GRIA1: variants seen among roughly 807,000 people sequenced by gnomAD.
GRIA1 encodes glutamate receptor 1.
GRIA1 carries 31 observed loss-of-function variants against 99.2 expected under a neutral mutation model. The ratio of observed to expected loss-of-function variants is 0.31; its 90% CI spans 0.23 to 0.42. The LOEUF is 0.42. Among genes scored for constraint, GRIA1 ranks in the 10% least tolerant of loss-of-function variants. The pLI is 1.00. For missense variants in GRIA1, 782 were observed against 1,157.5 expected (o/e 0.68, Z 4.71); for synonymous variants, 438 against 432.4 (o/e 1.01, Z -0.16).
At chr5:153,539,956 C>T (rs368876528) in intron 2 of GRIA1, among the ~76,000 whole-genome samples, 2 of 152,208 alleles carry the variant, frequency 1.3e-5, no homozygotes, top group African/African-American at 2.4e-5. Flanking sequence ...AGGTCACATT[C>T]GGAAGGCTCC....
Position 153,605,235 on chromosome 5 carries a change from A to G in GRIA1, c.221-41693A>G, listed in dbSNP as rs1246838513. Among the ~76,000 whole-genome samples the G allele has an allele frequency of 2.0e-5, 3 of 152,184 alleles. No individual in the cohort carries two copies. The East Asian group carries it at 5.8e-4, about 29-fold the overall frequency. ...TATTAACACTTAAAAAGGCACATCA[A>G]CATTTCAATAAGCATCCAGTATGTA... On this transcript the variant is annotated intron_variant, in intron 2 of 15. Coordinates refer to ENST00000285900, the MANE Select transcript of GRIA1 (RefSeq NM_000827.4).
intron 12 of GRIA1, 104 bp downstream of exon 12, chr5:153,764,736 A>C: frequency 1.2e-6 from 1 of 806,854 alleles, no homozygotes; most frequent in Non-Finnish European, 2.1e-6. Flanking sequence ...CAGCCAGAGC[A>C]AGTGCTTAAC....
chr5:153,501,399 A>T (rs1002034560), intron 2 of GRIA1, among the ~76,000 whole-genome samples: 1 of 152,154 alleles, frequency 6.6e-6, no homozygotes, highest in Admixed American at 6.5e-5. Flanking sequence ...AGGAGGATGA[A>T]TAGGTGCTTG....
At chr5:153,744,984 C>A (rs1306176219) in intron 11 of GRIA1, among the ~76,000 whole-genome samples, 5 of 152,138 alleles carry the variant, frequency 3.3e-5, no homozygotes. Context: ...ATCATTCAAT[C>A]CAGAGTCCAT....
At chr5:153,795,456 T>C (rs537181190) in intron 14 of GRIA1, 1 of 1,296,028 alleles carries the variant, frequency 7.7e-7, no homozygotes, top group Non-Finnish European at 1.1e-6. Flanking sequence ...TTATTTATGT[T>C]ATTTCCCCCC....
intron 7 of GRIA1, among the ~76,000 whole-genome samples, chr5:153,685,631 A>C (rs1757287436): frequency 6.6e-6 from 1 of 152,238 alleles, no homozygotes; most frequent in Admixed American, 6.5e-5. Context: ...AGAGAGCTAA[A>C]TTGCCTGAGG....
chr5:153,628,889 TCA>T (rs1767886851), intron 2 of GRIA1, among the ~76,000 whole-genome samples: 1 of 152,206 alleles, frequency 6.6e-6, no homozygotes, highest in South Asian at 2.1e-4. Context: ...AGTCAGCCTC[TCA>T]GTTAGAATTC....
chr5:153,521,154 T>G (rs1318906293), intron 2 of GRIA1, among the ~76,000 whole-genome samples: 1 of 152,212 alleles, frequency 6.6e-6, no homozygotes, highest in African/African-American at 2.4e-5. Context: ...GGCTGTTAGC[T>G]TGGCATGAAG....
chr5:153,629,264 C>T (rs1412610035), intron 2 of GRIA1, among the ~76,000 whole-genome samples: 1 of 152,164 alleles, frequency 6.6e-6, no homozygotes, highest in Admixed American at 6.5e-5. Flanking sequence ...ACATGCAGCT[C>T]GTGCTTCCAC....
At chr5:153,721,187 A>G (rs1393494859) in intron 11 of GRIA1, among the ~76,000 whole-genome samples, 1 of 152,198 alleles carries the variant, frequency 6.6e-6, no homozygotes, top group African/African-American at 2.4e-5. Context: ...CACACAGCAG[A>G]TTCATATTCA....
In GRIA1 at chr5:153,614,904, A is replaced by C. The variant is rs552275918; in HGVS notation, c.221-32024A>C. Among the ~76,000 whole-genome samples the C allele has an allele frequency of 7.2e-5, 11 of 152,320 alleles. No individual in the cohort carries two copies. In the South Asian group the frequency reaches 2.3e-3, roughly 32 times the overall value. Reference sequence around the variant, plus strand: ...GCAGGACCCAGTGGCAGGTGGAAAAAATACAGAGTCAATTGAAGAGGCCTT... The same window carrying C: ...GCAGGACCCAGTGGCAGGTGGAAAACATACAGAGTCAATTGAAGAGGCCTT... On this transcript the variant is annotated intron_variant, in intron 2 of 15. Coordinates refer to ENST00000285900, the MANE Select transcript of GRIA1 (RefSeq NM_000827.4).
intron 2 of GRIA1, among the ~76,000 whole-genome samples, chr5:153,599,981 G>A (rs144729423): frequency 3.3e-5 from 5 of 152,234 alleles, no homozygotes; most frequent in Admixed American, 6.5e-5. Context: ...AGTGTGTGCA[G>A]GGAGATGAAG....
At chr5:153,555,257 C>A (rs1468264666) in intron 2 of GRIA1, among the ~76,000 whole-genome samples, 1 of 151,522 alleles carries the variant, frequency 6.6e-6, no homozygotes, top group Non-Finnish European at 1.5e-5. Context: ...AAGCCTCACA[C>A]TCTGCTGTCC....
At chr5:153,683,120 G>A (rs1259666326) in intron 7 of GRIA1, among the ~76,000 whole-genome samples, 1 of 152,172 alleles carries the variant, frequency 6.6e-6, no homozygotes, top group Non-Finnish European at 1.5e-5. Flanking sequence ...AGGGATAAGT[G>A]CCCAGATCCC....
chr5:153,594,258 C>T (rs914008991), intron 2 of GRIA1, among the ~76,000 whole-genome samples: 1 of 152,178 alleles, frequency 6.6e-6, no homozygotes, highest in Non-Finnish European at 1.5e-5. Context: ...CCTGAAGACT[C>T]AGACCCTTCA....
At chr5:153,648,120 C>G (rs1207992988) in intron 3 of GRIA1, among the ~76,000 whole-genome samples, 1 of 152,168 alleles carries the variant, frequency 6.6e-6, no homozygotes, top group Non-Finnish European at 1.5e-5. Context: ...TCTTAGAAAA[C>G]TTTTGAGTTG....
At chr5:153,500,428 G>A (rs1347495376) in intron 2 of GRIA1, among the ~76,000 whole-genome samples, 3 of 152,112 alleles carry the variant, frequency 2.0e-5, no homozygotes, top group Admixed American at 1.3e-4. Flanking sequence ...GGTGACAGCT[G>A]ATGCAAGAGA....
chr5:153,544,037 G>C (rs1307850113), intron 2 of GRIA1, among the ~76,000 whole-genome samples: 1 of 152,124 alleles, frequency 6.6e-6, no homozygotes, highest in African/African-American at 2.4e-5. Flanking sequence ...GGTGATATCT[G>C]AGCAGGGCCT....
At chr5:153,699,373 T>C (rs4299782) in intron 10 of GRIA1, among the ~76,000 whole-genome samples, 15,303 of 152,230 alleles carry the variant, frequency 0.1, 873 homozygotes, top group African/African-American at 0.15. Context: ...GAGTTGTCTA[T>C]ACAAAGTCAC....
Sources: gnomAD v4.1 joint callset for allele counts (sites outside exome capture counted in the v4.1 genomes callset) on GRCh38, gnomAD v4.1.1 for gene constraint, MANE v1.5 for transcripts, NCBI Gene and HGNC (gene_info 2026-07-23, HGNC 2026-07-21) for gene names.